Variants in TSHZ2 observed in about 807,000 individuals in gnomAD.
TSHZ2 encodes teashirt homolog 2.
Under a neutral mutation model 74.4 loss-of-function variants are expected in TSHZ2, and 21 were observed. That is an observed-to-expected ratio of 0.28 (90% confidence interval 0.20 to 0.41). The LOEUF is 0.41. Among genes scored for constraint, TSHZ2 ranks in the 10% least tolerant of loss-of-function variants. The pLI, the probability that TSHZ2 is intolerant of heterozygous loss-of-function variation, is 1.00. For missense variants in TSHZ2, 1,244 were observed against 1,293.5 expected, an observed-to-expected ratio of 0.96 and a Z score of 0.59; for synonymous variants, 540 against 515.3, an observed-to-expected ratio of 1.05 and a Z score of -0.65.
At chr20:53,072,987 CTTCATCCA>C in intron 1 of TSHZ2, among the ~76,000 whole-genome samples, 1 of 147,098 alleles carries the variant, frequency 6.8e-6, no homozygotes, top group African/African-American at 2.5e-5. Context: ...CCATCCCTCC[CTTCATCCA>C]TCCCTCCCTC....
chr20:53,327,627 A>G (rs925219618), intron 2 of TSHZ2, among the ~76,000 whole-genome samples: 5 of 152,252 alleles, frequency 3.3e-5, no homozygotes, highest in Non-Finnish European at 7.3e-5. Flanking sequence ...ATTCATTGAT[A>G]CAATAAATAT....
chr20:53,221,285 A>G (rs1409883163), intron 1 of TSHZ2, among the ~76,000 whole-genome samples: 1 of 152,158 alleles, frequency 6.6e-6, no homozygotes, highest in East Asian at 1.9e-4. Context: ...ACCCAGTCTC[A>G]GGTATGTCTT....
At chr20:52,989,797 T>G (rs1242638071) in intron 1 of TSHZ2, among the ~76,000 whole-genome samples, 2 of 152,130 alleles carry the variant, frequency 1.3e-5, no homozygotes, top group Non-Finnish European at 2.9e-5. Context: ...GCATTATTAT[T>G]CTTTCGTATA....
chr20:53,484,085 A>C (rs956153741), intron 2 of TSHZ2, among the ~76,000 whole-genome samples: 3 of 152,214 alleles, frequency 2.0e-5, no homozygotes. Context: ...CCTTTGACCC[A>C]TCTCTCTTCT....
chr20:53,176,598 T>C (rs1487961509), intron 1 of TSHZ2, among the ~76,000 whole-genome samples: 2 of 152,172 alleles, frequency 1.3e-5, no homozygotes. Context: ...TCACAGGGCT[T>C]AAGTCAAGAG....
intron 2 of TSHZ2, among the ~76,000 whole-genome samples, chr20:53,410,537 G>T (rs912139727): frequency 6.6e-6 from 1 of 151,412 alleles, no homozygotes; most frequent in African/African-American, 2.4e-5. Flanking sequence ...TCTGGGCTTG[G>T]CATACATAAC....
In TSHZ2 at chr20:53,487,540, A is replaced by C. The variant is rs952354005; in HGVS notation, c.*405A>C. The C allele has an allele frequency of 2.0e-5, 3 of 152,164 alleles. No homozygotes were observed. The highest frequency in any genetic ancestry group is 1.3e-4 in the Admixed American group (2 of 15,268). The allele number at this position is 152,164 out of a possible 1,614,324, so 9.4% of individuals were successfully genotyped here. ...AAAGTGGGGGGGAGTCTAAGTCTTC[A>C]TAGTCTAATGTCCAAGTGGGTTGCA... is the stretch of plus-strand genomic sequence containing the variant. On this transcript the variant is annotated 3_prime_UTR_variant, in exon 3 of 3. Transcript: ENST00000371497.
At chr20:53,006,677 G>A (rs867055073) in intron 1 of TSHZ2, among the ~76,000 whole-genome samples, 2 of 152,162 alleles carry the variant, frequency 1.3e-5, no homozygotes, top group South Asian at 4.1e-4. Context: ...ATCACACGTG[G>A]TACCTGAATT....
intron 1 of TSHZ2, among the ~76,000 whole-genome samples, chr20:53,222,685 C>T (rs759500746): frequency 2.6e-5 from 4 of 152,214 alleles, no homozygotes; most frequent in African/African-American, 9.7e-5. Context: ...TGAATGCTAA[C>T]TGCTAATGCA....
rs549476071 is a variant in TSHZ2, at chr20:53,186,683, C to T, written c.41-66816C>T. ...GCAGGCATTCATCACACCACCTCTC[C>T]TCTCTGCCACCCGCCTTTGCTTTGA... On this transcript the variant is annotated intron_variant, in intron 1 of 2. Coordinates refer to ENST00000371497, the MANE Select transcript of TSHZ2 (RefSeq NM_173485.6). 2.6e-5 allele frequency among the ~76,000 whole-genome samples: 4 copies of T among 152,306 alleles called. No individual in the cohort carries two copies. The East Asian group carries it at 7.7e-4, about 29-fold the overall frequency.
At chr20:53,030,480 CAGA>C (rs1244073133) in intron 1 of TSHZ2, among the ~76,000 whole-genome samples, 2 of 152,134 alleles carry the variant, frequency 1.3e-5, no homozygotes, top group African/African-American at 4.8e-5. Context: ...CAAGCATCAA[CAGA>C]AGGTTTTAGG....
At chr20:53,099,774 GA>G (rs1370197960) in intron 1 of TSHZ2, among the ~76,000 whole-genome samples, 10 of 152,280 alleles carry the variant, frequency 6.6e-5, no homozygotes, top group African/African-American at 2.4e-4. Context: ...GAGTATGGGG[GA>G]AACTGCCCCC....
intron 1 of TSHZ2, among the ~76,000 whole-genome samples, chr20:53,187,238 T>G (rs551443746): frequency 7.2e-5 from 11 of 152,270 alleles, no homozygotes; most frequent in African/African-American, 2.6e-4. Flanking sequence ...AAGAAAACAT[T>G]GCAGTATTAT....
At chr20:53,238,081 T>G (rs1989980762) in intron 1 of TSHZ2, among the ~76,000 whole-genome samples, 1 of 152,182 alleles carries the variant, frequency 6.6e-6, no homozygotes, top group Admixed American at 6.5e-5. Context: ...TCTGCCCTTT[T>G]GTCTATGAAC....
At chr20:53,301,632 T>G (rs6097345) in intron 2 of TSHZ2, among the ~76,000 whole-genome samples, 45,012 of 152,062 alleles carry the variant, frequency 0.3, 7,212 homozygotes, top group Non-Finnish European at 0.35. Flanking sequence ...AGGAAAAGCA[T>G]AGAGAACGAC....
At chr20:53,342,379 T>G (rs1427801609) in intron 2 of TSHZ2, among the ~76,000 whole-genome samples, 1 of 150,934 alleles carries the variant, frequency 6.6e-6, no homozygotes, top group Non-Finnish European at 1.5e-5. Flanking sequence ...TCTCATTTAA[T>G]CCTCATATAA....
chr20:53,480,008 C>T (rs548065984), intron 2 of TSHZ2, among the ~76,000 whole-genome samples: 8 of 151,644 alleles, frequency 5.3e-5, no homozygotes, highest in East Asian at 1.9e-4. Context: ...GAGGACGAGG[C>T]GGGAGGATCA....
chr20:53,464,684 G>C (rs1985502226), intron 2 of TSHZ2, among the ~76,000 whole-genome samples: 1 of 152,124 alleles, frequency 6.6e-6, no homozygotes, highest in Non-Finnish European at 1.5e-5. Flanking sequence ...ACCCAGGCTG[G>C]TGTCAAACTC....
At chr20:53,404,225 G>T (rs1470790510) in intron 2 of TSHZ2, among the ~76,000 whole-genome samples, 2 of 152,038 alleles carry the variant, frequency 1.3e-5, no homozygotes, top group African/African-American at 4.8e-5. Context: ...TGCTTTTATG[G>T]AATTTTCATT....
Sources: allele counts gnomAD v4.1 joint callset (sites outside exome capture counted in the v4.1 genomes callset), GRCh38; gene constraint gnomAD v4.1.1; transcripts MANE v1.5; gene names NCBI Gene and HGNC (gene_info 2026-07-23, HGNC 2026-07-21).